The following POC1B variants were observed in gnomAD, a reference collection of about 807,000 sequenced individuals.
POC1B encodes POC1 centriolar protein homolog B.
POC1B carries 44 observed loss-of-function variants against 60.6 expected under a neutral mutation model. The observed-to-expected ratio is 0.73, with a 90% confidence interval of 0.57 to 0.93. The LOEUF (loss-of-function observed/expected upper bound fraction) is 0.93. Ranked by LOEUF, POC1B falls within the 40% of genes least tolerant of loss-of-function variation. The pLI, the probability that POC1B is intolerant of heterozygous loss-of-function variation, is 0.00. For missense variants in POC1B, 555 were observed against 572.3 expected (o/e 0.97, Z 0.31); for synonymous variants, 180 against 198.9 (o/e 0.90, Z 0.80).
intron 3 of POC1B, among the ~76,000 whole-genome samples, chr12:89,493,499 TATG>T (rs1395086870): frequency 6.6e-6 from 1 of 152,224 alleles, no homozygotes; most frequent in Non-Finnish European, 1.5e-5. Flanking sequence ...TCACCTGACA[TATG>T]ATATTACTCA....
intron 10 of POC1B, among the ~76,000 whole-genome samples, chr12:89,438,594 T>A (rs986077661): frequency 5.9e-5 from 9 of 152,252 alleles, no homozygotes; most frequent in Non-Finnish European, 1.3e-4. Context: ...AAACTATCCT[T>A]CCTTGGCTGC....
intron 4 of POC1B, among the ~76,000 whole-genome samples, chr12:89,487,306 C>T (rs546418860): frequency 6.6e-6 from 1 of 152,334 alleles, no homozygotes; most frequent in South Asian, 2.1e-4. Flanking sequence ...TCAGGGCAAG[C>T]TTGAGCACTG....
intron 2 of POC1B, chr12:89,522,821 C>CA: frequency 6.3e-7 from 1 of 1,579,334 alleles, no homozygotes; most frequent in Non-Finnish European, 8.6e-7. Flanking sequence ...CTCTATTTCT[C>CA]AAAACTCCAA....
chr12:89,433,838 T>G (rs963439507), intron 10 of POC1B, among the ~76,000 whole-genome samples: 7 of 152,198 alleles, frequency 4.6e-5, no homozygotes, highest in Admixed American at 1.3e-4. Context: ...GTTCGTTTCT[T>G]AAGATCAAAA....
chr12:89,502,598 C>A, intron 2 of POC1B: 2 of 1,259,974 alleles, frequency 1.6e-6, no homozygotes, highest in Non-Finnish European at 2.3e-6. Flanking sequence ...GGTAAAGGAC[C>A]CAGAAACAAG....
chr12:89,425,947 C>T (rs1352548360), intron 10 of POC1B: 1 of 152,344 alleles, frequency 6.6e-6, no homozygotes, highest in African/African-American at 2.4e-5. Context: ...GATACTTGTA[C>T]AGCAATGTTC....
At chr12:89,443,708 G>C (rs1479222869) in intron 10 of POC1B, among the ~76,000 whole-genome samples, 1 of 151,398 alleles carries the variant, frequency 6.6e-6, no homozygotes, top group Non-Finnish European at 1.5e-5. Context: ...AGAAGCAAGA[G>C]CAAACACATT....
the POC1B span, among the ~76,000 whole-genome samples, chr12:89,411,562 A>G: frequency 1.3e-5 from 2 of 152,250 alleles, no homozygotes; most frequent in African/African-American, 4.8e-5. Flanking sequence ...ATATGATTCA[A>G]AATCAAGTCC....
At chr12:89,494,253 G>C (rs1023151335) in intron 3 of POC1B, among the ~76,000 whole-genome samples, 3 of 152,056 alleles carry the variant, frequency 2.0e-5, no homozygotes, top group South Asian at 2.1e-4. Flanking sequence ...GTCTCGCTAT[G>C]TTGCCCATGC....
intron 10 of POC1B, among the ~76,000 whole-genome samples, chr12:89,441,766 A>C (rs556941070): frequency 2.5e-4 from 38 of 152,382 alleles, no homozygotes; most frequent in African/African-American, 8.4e-4. Context: ...TGGATGGAGA[A>C]TGACTTTGAC....
chr12:89,500,399 C>A, intron 2 of POC1B: 1 of 1,507,168 alleles, frequency 6.6e-7, no homozygotes, highest in African/African-American at 1.4e-5. Context: ...TGTTGTAGAA[C>A]CAAGTGAAGC....
At chr12:89,410,352 C>A in the POC1B span, among the ~76,000 whole-genome samples, 1 of 152,282 alleles carries the variant, frequency 6.6e-6, no homozygotes, top group Admixed American at 6.5e-5. Flanking sequence ...CAATATCATA[C>A]CAAACGGGCA....
At chr12:89,431,211 C>A (rs2120677650) in intron 10 of POC1B, among the ~76,000 whole-genome samples, 1 of 152,266 alleles carries the variant, frequency 6.6e-6, no homozygotes, top group East Asian at 1.9e-4. Flanking sequence ...TTACAACTAA[C>A]ATTTCTACTC....
intron 10 of POC1B, among the ~76,000 whole-genome samples, chr12:89,456,206 A>G (rs1882252414): frequency 6.6e-6 from 1 of 152,106 alleles, no homozygotes; most frequent in Admixed American, 6.6e-5. Flanking sequence ...GTTTTAGTAG[A>G]GGAGGGGTTT....
rs3759319 is a variant in POC1B, at chr12:89,522,152, A to G, written c.100+2968T>C. The G allele has an allele frequency of 1.7e-3, 693 of 398,950 alleles. 9 individuals are homozygous for G. The East Asian group carries it at 0.022, about 13-fold the overall frequency. 24.7% of individuals were successfully genotyped at this position (398,950 alleles called of 1,614,324 possible). On this transcript the variant is annotated intron_variant, in intron 2 of 11. Coordinates refer to ENST00000313546, the MANE Select transcript of POC1B (RefSeq NM_172240.3). ...GTGAAGTCCAATAGCTCAAGTTTAC[A>G]AAGTACGGAATGTAAATATCTCCCC...
chr12:89,497,369 ACT>A (rs757447712), intron 2 of POC1B, 27 bp from the exon 3 acceptor site: 10 of 1,590,752 alleles, frequency 6.3e-6, no homozygotes, highest in Non-Finnish European at 7.7e-6. Flanking sequence ...GAACAAAACC[ACT>A]GTTTGTTAAA....
rs996181232 is a variant in POC1B, at chr12:89,435,198, T to C, written c.1114-9819A>G. ...GACATTCTTTTTTTTTTTTTTTTTT[T>C]GAGATGGAGTCTCACTTTGTTGCCC... On this transcript the variant is annotated intron_variant, in intron 10 of 11. Transcript: ENST00000313546. Among the ~76,000 whole-genome samples, 40 of 118,058 alleles carry C rather than the reference T, an allele frequency of 3.4e-4. 2 individuals carry two copies. Among genetic ancestry groups the C allele is most frequent in the Non-Finnish European group, 1.6e-4 (9 of 54,816 alleles). The allele number at this position is 118,058 out of a possible 152,430, so 77.5% of individuals were successfully genotyped here. A position where few individuals can be genotyped will look rare whatever the true frequency, so the allele number is the denominator to read the frequency against.
At chr12:89,428,681 C>G (rs770269345) in intron 10 of POC1B, 1 of 152,232 alleles carries the variant, frequency 6.6e-6, no homozygotes, top group Admixed American at 6.6e-5. Flanking sequence ...CTCAGCCTCC[C>G]GAGTAGCTGG....
At position 89,491,990 on chromosome 12, in the gene POC1B, C is replaced by T. The variant is rs142363256; in HGVS notation, c.398G>A (p.Arg133His). 1.0e-5 allele frequency: 16 copies of T among 1,600,594 alleles called. No homozygotes were observed. The highest frequency in any genetic ancestry group is 6.7e-5 in the African/African-American group (5 of 74,212). Residue 133 changes from arginine to histidine, a missense_variant, in exon 4 of 12, where the codon CGC becomes CAC. By Grantham distance (29) the Arg-to-His change is conservative. Coordinates refer to ENST00000313546, the MANE Select transcript of POC1B (RefSeq NM_172240.3). ...ATACAAGGAATACAGGAAGCGCTGG[C>T]GATACATGCTCCATACTTTTATGGA... Reference protein sequence around the residue: ...DKSIKVWSMYRQRFLYSLYRH... With the variant: ...DKSIKVWSMYHQRFLYSLYRH...
Sources: gnomAD v4.1 joint callset for allele counts (sites outside exome capture counted in the v4.1 genomes callset) on GRCh38, gnomAD v4.1.1 for gene constraint, MANE v1.5 for transcripts, NCBI Gene and HGNC (gene_info 2026-07-23, HGNC 2026-07-21) for gene names.